Variants in AP4S1 observed in about 807,000 individuals in gnomAD.
AP4S1 encodes adaptor related protein complex 4 subunit sigma 1, also known as AP-4 complex subunit sigma-1.
In AP4S1, 23 loss-of-function variants were observed where a neutral mutation model predicts 19.8. That is an observed-to-expected ratio of 1.16 (90% CI 0.84 to 1.65). The LOEUF (loss-of-function observed/expected upper bound fraction) is 1.65. Among genes scored for constraint, AP4S1 ranks in the 40% most tolerant of loss-of-function variants. The probability of loss-of-function intolerance (pLI) is 0.00; values close to 1 mark genes in which losing one functional copy is unlikely to be tolerated. For synonymous variants in AP4S1, 46 were observed against 54.1 expected (o/e 0.85, Z 0.66); for missense variants, 166 against 172.8 (o/e 0.96, Z 0.22).
chr14:31,063,940 C>T (rs1215202764), intron 1 of AP4S1, among the ~76,000 whole-genome samples: 1 of 152,144 alleles, frequency 6.6e-6, no homozygotes, highest in African/African-American at 2.4e-5. Context: ...CACTGGTTCT[C>T]ACAGATATCA....
intron 4 of AP4S1, among the ~76,000 whole-genome samples, chr14:31,080,349 C>G (rs906271109): frequency 6.6e-6 from 1 of 152,182 alleles, no homozygotes; most frequent in African/African-American, 2.4e-5. Flanking sequence ...AAAGATGAAT[C>G]GTGCTGGCCT....
chr14:31,048,369 TGGGATTACA>T (rs1397416800), intron 1 of AP4S1, among the ~76,000 whole-genome samples: 1 of 151,916 alleles, frequency 6.6e-6, no homozygotes, highest in Admixed American at 6.6e-5. Context: ...CCCAAAATGC[TGGGATTACA>T]GGGATTACAG....
intron 5 of AP4S1, among the ~76,000 whole-genome samples, chr14:31,081,858 G>GATAT (rs369722847): frequency 2.0e-5 from 3 of 150,620 alleles, no homozygotes; most frequent in Non-Finnish European, 3.0e-5. Flanking sequence ...GTATATATAT[G>GATAT]ATATATATAT....
chr14:31,030,077 C>T (rs1323114331), intron 1 of AP4S1, among the ~76,000 whole-genome samples: 1 of 151,976 alleles, frequency 6.6e-6, no homozygotes, highest in African/African-American at 2.4e-5. Flanking sequence ...GCCTCCCCAG[C>T]TCAAGCGATC....
intron 1 of AP4S1, among the ~76,000 whole-genome samples, chr14:31,045,909 G>T (rs1885371840): frequency 6.6e-6 from 1 of 151,536 alleles, no homozygotes; most frequent in Non-Finnish European, 1.5e-5. Flanking sequence ...GGATCAGAGA[G>T]TTGGAAATTT....
At chr14:31,028,620 G>A (rs965381593) in intron 1 of AP4S1, among the ~76,000 whole-genome samples, 3 of 134,146 alleles carry the variant, frequency 2.2e-5, no homozygotes, top group African/African-American at 8.4e-5. Context: ...CACACACACA[G>A]AGACATTTGT....
chr14:31,042,684 T>C (rs575866983), intron 1 of AP4S1, among the ~76,000 whole-genome samples: 1 of 152,350 alleles, frequency 6.6e-6, no homozygotes, highest in South Asian at 2.1e-4. Flanking sequence ...AATTCTTTAG[T>C]TCAACTCCCT....
intron 1 of AP4S1, among the ~76,000 whole-genome samples, chr14:31,063,749 C>T (rs916513148): frequency 6.6e-6 from 1 of 152,098 alleles, no homozygotes; most frequent in Admixed American, 6.6e-5. Context: ...GTGGAAGAAT[C>T]GATGAACTCT....
intron 1 of AP4S1, among the ~76,000 whole-genome samples, chr14:31,064,410 C>G (rs1186924909): frequency 1.3e-5 from 2 of 152,142 alleles, no homozygotes; most frequent in Non-Finnish European, 2.9e-5. Flanking sequence ...CAACCTCCGC[C>G]TCCCGGATTC....
chr14:31,063,922 GT>G (rs1288318643), intron 1 of AP4S1, among the ~76,000 whole-genome samples: 1 of 152,110 alleles, frequency 6.6e-6, no homozygotes, highest in Non-Finnish European at 1.5e-5. Context: ...ACTCATCTTA[GT>G]TTTTTGCACT....
At chr14:31,033,401 A>T (rs1884527564) in intron 1 of AP4S1, among the ~76,000 whole-genome samples, 1 of 152,040 alleles carries the variant, frequency 6.6e-6, no homozygotes. Context: ...TTTAGTAGAG[A>T]CAGGGTTTTA....
chr14:31,026,965 T>C (rs1350714409), intron 1 of AP4S1: 1 of 152,356 alleles, frequency 6.6e-6, no homozygotes, highest in Non-Finnish European at 1.5e-5. Context: ...TGCTGGCAAA[T>C]AGCCAAGATC....
rs748082237 is a variant in AP4S1 at position 31,025,857 on chromosome 14, G to A, written c.-72+70G>A. The A allele has an allele frequency of 7.0e-6, 11 of 1,570,084 alleles. No homozygotes were observed. In the South Asian group the frequency reaches 8.1e-5, roughly 12 times the overall value. On this transcript the variant is annotated intron_variant, in intron 1 of 5. Transcript: ENST00000542754. ...GAGTCCCCAGCCCCACCCCCCGGCCGGGAACCCAGCCGCCGCAGCTCCCGC... is the reference window on the plus strand; with the variant it reads ...GAGTCCCCAGCCCCACCCCCCGGCCAGGAACCCAGCCGCCGCAGCTCCCGC...
intron 1 of AP4S1, among the ~76,000 whole-genome samples, chr14:31,049,803 T>C (rs954288657): frequency 6.6e-6 from 1 of 152,042 alleles, no homozygotes; most frequent in African/African-American, 2.4e-5. Flanking sequence ...GGTTTCATCA[T>C]GTTGCCCAGT....
At chr14:31,085,048 G>T in intron 5 of AP4S1, 1 of 1,450,776 alleles carries the variant, frequency 6.9e-7, no homozygotes, top group Non-Finnish European at 9.1e-7. Flanking sequence ...ATTTGGGCTA[G>T]ACTGGAATGC....
intron 5 of AP4S1, among the ~76,000 whole-genome samples, chr14:31,086,783 T>A (rs1160151609): frequency 2.0e-5 from 3 of 151,798 alleles, no homozygotes; most frequent in African/African-American, 7.3e-5. Flanking sequence ...ATATTTAGAG[T>A]CGTAGGAGCC....
chr14:31,050,201 C>G (rs945268698), intron 1 of AP4S1, among the ~76,000 whole-genome samples: 1 of 152,142 alleles, frequency 6.6e-6, no homozygotes, highest in Non-Finnish European at 1.5e-5. Context: ...GGATTACAGG[C>G]GTGAGCCACC....
At chr14:31,026,500 C>T in intron 1 of AP4S1, 1 of 312,692 alleles carries the variant, frequency 3.2e-6, no homozygotes, top group Non-Finnish European at 5.9e-6. Flanking sequence ...GTAGCGAACG[C>T]AGCCTCACGC....
intron 3 of AP4S1, among the ~76,000 whole-genome samples, chr14:31,071,589 T>G (rs1174684512): frequency 2.6e-5 from 4 of 152,012 alleles, no homozygotes; most frequent in African/African-American, 9.7e-5. Context: ...CCCAGCTAAT[T>G]TTTGTATTCT....
Sources: allele counts gnomAD v4.1 joint callset (sites outside exome capture counted in the v4.1 genomes callset), GRCh38; gene constraint gnomAD v4.1.1; transcripts MANE v1.5; gene names NCBI Gene and HGNC (gene_info 2026-07-23, HGNC 2026-07-21).